The following GSTM5 variants were observed in gnomAD, a reference collection of about 807,000 sequenced individuals.
GSTM5 encodes the protein glutathione S-transferase mu 5.
In GSTM5, 24 loss-of-function variants were observed where a neutral mutation model predicts 29.0. The ratio of observed to expected loss-of-function variants is 0.83; its 90% CI spans 0.60 to 1.16. The LOEUF is 1.16. Among genes scored for constraint, GSTM5 ranks in the 50% most tolerant of loss-of-function variants. GSTM5 has a pLI of 0.00. For synonymous variants in GSTM5, 91 were observed against 93.6 expected (o/e 0.97, Z 0.16); for missense variants, 290 against 263.0 (o/e 1.10, Z -0.71).
At position 109,712,829 on chromosome 1, in the gene GSTM5, G is replaced by T. The variant is rs995517708; in HGVS notation, c.112+136G>T. On this transcript the variant is annotated intron_variant, in intron 2 of 7. Transcript: ENST00000256593. ...GGCTGTCCCTTCCCTGAGCTCCCGT[G>T]AGTGAGCCCTCTGGCCTTGCAAGGC... is the stretch of plus-strand genomic sequence containing the variant. 77 of 1,056,066 alleles carry T rather than the reference G, an allele frequency of 7.3e-5. No individual in the cohort carries two copies. The African/African-American group carries it at 1.1e-3, about 15-fold the overall frequency. 65.4% of individuals were successfully genotyped at this position (1,056,066 alleles called of 1,614,324 possible).
Position 109,714,002 on chromosome 1 carries a change from T to G in GSTM5, c.360+241T>G, listed in dbSNP as rs12729068. On this transcript the variant is annotated intron_variant, in intron 5 of 7. Coordinates refer to ENST00000256593, the MANE Select transcript of GSTM5 (RefSeq NM_000851.4). ...GTCATGATCTGCTACCACCCAGAGT[T>G]TGTGAGTCTCCCCAGTGAGCTGCAC... 0.039 allele frequency: 14,764 copies of G among 380,244 alleles called. 470 individuals are homozygous for G. The highest frequency in any genetic ancestry group is 0.098 in the South Asian group (3,757 of 38,362). The allele number at this position is 380,244 out of a possible 1,614,324, so 23.6% of individuals were successfully genotyped here. A position where few individuals can be genotyped will look rare whatever the true frequency, so the allele number is the denominator to read the frequency against.
rs17014553 is a variant in GSTM5, at chr1:109,713,851, C to A, written c.360+90C>A. 4.0e-6 allele frequency: 4 copies of A among 991,042 alleles called. No individual in the cohort carries two copies. The Admixed American group carries it at 7.0e-5, about 17-fold the overall frequency. 61.4% of individuals were successfully genotyped at this position (991,042 alleles called of 1,614,324 possible). The stretch of plus-strand genomic sequence containing the variant: ...CTTCCAAAGTCAGGTCTGTAGCAGA[C>A]TCCGGCCAGCTGACTGGAGACGTCT... On this transcript the variant is annotated intron_variant, in intron 5 of 7. Coordinates refer to ENST00000256593, the MANE Select transcript of GSTM5 (RefSeq NM_000851.4).
In GSTM5 at chr1:109,715,254, C is replaced by T. The variant is rs1361596393; in HGVS notation, c.567+14C>T. 1 of 1,614,212 alleles carries T rather than the reference C, an allele frequency of 6.2e-7. No individual in the cohort carries two copies. ...TCCCGCTTTGAGGTGATGCCCCCAT[C>T]CTCCTTTCTCTTTGATGCCCCTTGT... On this transcript the variant is annotated intron_variant, in intron 7 of 7. Coordinates refer to ENST00000256593, the MANE Select transcript of GSTM5 (RefSeq NM_000851.4).
upstream of GSTM5, chr1:109,712,162 G>A (rs1422450962): frequency 3.9e-5 from 33 of 847,216 alleles, no homozygotes; most frequent in South Asian, 3.1e-4. Context: ...CCGGGCGCTC[G>A]CTCGGGGGCC....
Position 109,715,190 on chromosome 1 carries a change from A to G in GSTM5, c.517A>G (p.Lys173Glu). The change falls in exon 7 of 8, where the codon AAG becomes GAG. Residue 173 changes from lysine to glutamate, a missense_variant. Physicochemically the swap from Lys to Glu is moderately conservative, Grantham distance 56. Transcript: ENST00000256593. ...VLDMKRIFEP[K>E]CLDAFLNLKD... is the part of the protein sequence containing the mutation. The stretch of plus-strand genomic sequence containing the variant: ...TGACATGAAGCGTATATTTGAGCCC[A>G]AGTGCTTGGACGCCTTCCTAAACTT... 6.2e-7 allele frequency: 1 copy of G among 1,614,178 alleles called. No homozygotes were observed. Among genetic ancestry groups the G allele is most frequent in the South Asian group, 1.1e-5 (1 of 91,078 alleles).
chr1:109,713,473 C>G lies in GSTM5; in HGVS notation c.178-11C>G, dbSNP rs755633122. 2.8e-5 allele frequency: 46 copies of G among 1,614,122 alleles called. No individual in the cohort carries two copies. In the Middle Eastern group the frequency reaches 4.9e-4, roughly 17 times the overall value. ...GCCCAACTGAGCTTCCCCGGTTTCC[C>G]ATCTATCCAGCTGCCCTACTTGATT... On this transcript the variant is annotated splice_polypyrimidine_tract_variant and intron_variant, in intron 3 of 7. Transcript: ENST00000256593.
rs183095440 is a variant in GSTM5, at chr1:109,715,602, C to T, written c.567+362C>T. 1.2e-4 allele frequency: 128 copies of T among 1,078,274 alleles called. No homozygotes were observed. The Middle Eastern group carries it at 1.2e-3, about 10-fold the overall frequency. 66.8% of individuals were successfully genotyped at this position (1,078,274 alleles called of 1,614,324 possible). On this transcript the variant is annotated intron_variant, in intron 7 of 7. Transcript: ENST00000256593. ...TGACAAAAGGAGAAGCCTCAGGCCT[C>T]ATCCAGCCTGGGTTTCACAGCCCAG...
At chr1:109,712,513 G>A (rs1467806241) in intron 1 of GSTM5, 105 bp from the exon 2 acceptor site, 6 of 1,407,214 alleles carry the variant, frequency 4.3e-6, no homozygotes, top group African/African-American at 4.2e-5. Flanking sequence ...GGTAGAGGAG[G>A]CGACGGGTAC....
chr1:109,716,168 A>T (rs557132008), intron 7 of GSTM5: 13 of 256,366 alleles, frequency 5.1e-5, no homozygotes, highest in South Asian at 2.4e-4. Context: ...CCTGTGTTGA[A>T]GTTGTTTGAG....
At chr1:109,712,230 C>G, upstream of GSTM5, 2 of 1,478,970 alleles carry the variant, frequency 1.4e-6, no homozygotes, top group South Asian at 2.3e-5. Context: ...GCAGCAAGGC[C>G]CCGCCTGTCC....
chr1:109,714,868 G>A (rs1367394774), intron 5 of GSTM5, 79 bp from the exon 6 acceptor site: 1 of 1,397,206 alleles, frequency 7.2e-7, no homozygotes, highest in African/African-American at 1.4e-5. Context: ...GCCAGCCTGG[G>A]CCATCTACAG....
At position 109,713,576 on chromosome 1, in the gene GSTM5, G is replaced by A; in HGVS notation, c.259+11G>A. On this transcript the variant is annotated intron_variant, in intron 4 of 7. Coordinates refer to ENST00000256593, the MANE Select transcript of GSTM5 (RefSeq NM_000851.4). ...GCAAGCACAACCTGTGTGAGTGTGG[G>A]TGGCTGCAATGTGCGGGGGGAAGGT... is the stretch of plus-strand genomic sequence containing the variant. 3 of 1,614,218 alleles carry A rather than the reference G, an allele frequency of 1.9e-6. No individual in the cohort carries two copies. The highest frequency in any genetic ancestry group is 2.5e-6 in the Non-Finnish European group (3 of 1,180,034).
chr1:109,717,316 G>A (rs761590881), intron 7 of GSTM5, 21 bp from the exon 8 acceptor site: 3 of 1,593,598 alleles, frequency 1.9e-6, no homozygotes, highest in Non-Finnish European at 2.6e-6. Context: ...CCTGGCTCTG[G>A]CCCCTTCTTC....
intron 7 of GSTM5, 101 bp downstream of exon 7, chr1:109,715,341 T>C (rs766880895): frequency 5.0e-6 from 8 of 1,610,384 alleles, no homozygotes; most frequent in Non-Finnish European, 6.8e-6. Context: ...AACTCGTATG[T>C]ATTGAGTACG....
intron 3 of GSTM5, 47 bp from the exon 4 acceptor site, chr1:109,713,437 G>A: frequency 6.2e-7 from 1 of 1,613,130 alleles, no homozygotes; most frequent in South Asian, 1.1e-5. Flanking sequence ...GGGATGCTGG[G>A]GAGCCTGGTG....
intron 5 of GSTM5, chr1:109,713,976 G>T (rs886088016): frequency 1.7e-4 from 71 of 424,182 alleles, no homozygotes; most frequent in African/African-American, 1.2e-3. Flanking sequence ...GGATGCAACT[G>T]GTCATGATCT....
intron 5 of GSTM5, 147 bp from the exon 6 acceptor site, chr1:109,714,800 A>G (rs1295583903): frequency 2.7e-6 from 2 of 747,934 alleles, no homozygotes; most frequent in East Asian, 2.5e-5. Flanking sequence ...GATGTATCCA[A>G]TTGAAGCCTG....
chr1:109,715,354 C>T (rs1408940120), intron 7 of GSTM5, 114 bp downstream of exon 7: 1 of 1,603,996 alleles, frequency 6.2e-7, no homozygotes, highest in Non-Finnish European at 8.5e-7. Context: ...TGAGTACGGG[C>T]TTCATGCCAG....
chr1:109,712,171 C>A (rs1648538879), upstream of GSTM5: 2 of 897,544 alleles, frequency 2.2e-6, no homozygotes, highest in Non-Finnish European at 3.7e-6. Context: ...CGCTCGGGGG[C>A]CTACAGAATG....
Sources: allele counts gnomAD v4.1 joint callset, GRCh38; gene constraint gnomAD v4.1.1; transcripts MANE v1.5; gene names NCBI Gene and HGNC (gene_info 2026-07-23, HGNC 2026-07-21).